B3GALNT1: variants seen among roughly 807,000 people sequenced by gnomAD.
B3GALNT1 encodes the protein beta-1,3-N-acetylgalactosaminyltransferase 1 (Globoside blood group).
Under a neutral mutation model 27.3 loss-of-function variants are expected in B3GALNT1, and 17 were observed. That is an observed-to-expected ratio of 0.62 (90% CI 0.43 to 0.94). B3GALNT1 has a LOEUF of 0.94. Ranked by LOEUF, B3GALNT1 falls within the 40% of genes least tolerant of loss-of-function variation. The pLI, the probability that B3GALNT1 is intolerant of heterozygous loss-of-function variation, is 0.00. For missense variants in B3GALNT1, 347 were observed against 390.0 expected (o/e 0.89, Z 0.93); for synonymous variants, 141 against 144.0 (o/e 0.98, Z 0.15).
chr3:161,093,955 G>C (rs1298097675), intron 4 of B3GALNT1, among the ~76,000 whole-genome samples: 1 of 152,154 alleles, frequency 6.6e-6, no homozygotes, highest in Non-Finnish European at 1.5e-5. Context: ...TGCAATGCTG[G>C]GTGAACAGCA....
In B3GALNT1 at chr3:161,086,306, T is replaced by C. The variant is rs1721756486; in HGVS notation, c.449A>G (p.Asp150Gly). The C allele has an allele frequency of 1.9e-6, 3 of 1,614,180 alleles. No homozygotes were observed. Among genetic ancestry groups the C allele is most frequent in the Non-Finnish European group, 1.7e-6 (2 of 1,180,036 alleles). ...TTTCAAGGTCAGGTTATTATATGTG[T>C]CTAAAAAATCTTGTCGGATTATGTC... ...YGDIIRQDFLDTYNNLTLKTI... is the reference protein window; with the variant it reads ...YGDIIRQDFLGTYNNLTLKTI... The change falls in exon 5 of 5, where the codon GAC becomes GGC. Residue 150 changes from aspartate (D) to glycine (G), a missense_variant. By Grantham distance (94) the Asp-to-Gly change is moderately conservative. Coordinates refer to ENST00000320474, the MANE Select transcript of B3GALNT1 (RefSeq NM_003781.4).
chr3:161,093,358 AT>A (rs1440880507), intron 4 of B3GALNT1, among the ~76,000 whole-genome samples: 1 of 152,210 alleles, frequency 6.6e-6, no homozygotes, highest in Non-Finnish European at 1.5e-5. Context: ...ATGTAGATAA[AT>A]AAGGGCTCAA....
Position 161,103,458 on chromosome 3 carries a change from G to A in B3GALNT1, c.-161C>T. 6.2e-6 allele frequency: 8 copies of A among 1,281,340 alleles called. No individual in the cohort carries two copies. Among genetic ancestry groups the A allele is most frequent in the Non-Finnish European group, 8.1e-6 (8 of 981,874 alleles). The allele number at this position is 1,281,340 out of a possible 1,614,324, so 79.4% of individuals were successfully genotyped here. On this transcript the variant is annotated 5_prime_UTR_variant, in exon 3 of 5. Transcript: ENST00000320474. Reference sequence around the variant, plus strand: ...AATTCCAGATGAAATTAAAGCTTAAGTTTTTTGTTGTTTTCTGTATTCCAT... The same window carrying A: ...AATTCCAGATGAAATTAAAGCTTAAATTTTTTGTTGTTTTCTGTATTCCAT...
At chr3:161,096,330 A>G (rs1728155547) in intron 4 of B3GALNT1, among the ~76,000 whole-genome samples, 1 of 152,236 alleles carries the variant, frequency 6.6e-6, no homozygotes, top group Admixed American at 6.5e-5. Context: ...CCAAAAAAAC[A>G]AGAAACAAAT....
At chr3:161,103,793 T>A (rs1349996706) in intron 2 of B3GALNT1, among the ~76,000 whole-genome samples, 3 of 152,208 alleles carry the variant, frequency 2.0e-5, no homozygotes, top group Admixed American at 2.0e-4. Context: ...AATGGCACAA[T>A]CTCGGCTCAC....
chr3:161,104,472 TA>T, intron 1 of B3GALNT1, 66 bp from the exon 2 acceptor site: 1 of 686,386 alleles, frequency 1.5e-6, no homozygotes, highest in South Asian at 1.7e-5. Flanking sequence ...AATCCAACAT[TA>T]AGAAGGCGAA....
intron 4 of B3GALNT1, among the ~76,000 whole-genome samples, chr3:161,091,831 G>A (rs942451379): frequency 4.6e-5 from 7 of 152,094 alleles, no homozygotes; most frequent in Admixed American, 4.6e-4. Flanking sequence ...TACTATAGAT[G>A]GAATGACAGA....
At chr3:161,103,846 GC>G (rs1560020655) in intron 2 of B3GALNT1, 1 of 179,206 alleles carries the variant, frequency 5.6e-6, no homozygotes, top group Non-Finnish European at 1.2e-5. Flanking sequence ...TCCTGCCTCA[GC>G]CCCCCGAGGA....
intron 4 of B3GALNT1, among the ~76,000 whole-genome samples, chr3:161,098,149 G>A (rs1041299099): frequency 9.9e-5 from 15 of 152,026 alleles, no homozygotes; most frequent in Admixed American, 5.9e-4. Flanking sequence ...GATGACTGCC[G>A]CAATCTTATG....
chr3:161,096,940 T>C (rs189372042), intron 4 of B3GALNT1, among the ~76,000 whole-genome samples: 63 of 152,310 alleles, frequency 4.1e-4, no homozygotes, highest in Non-Finnish European at 7.2e-4. Context: ...TTAGTATACG[T>C]GCTGCCAAAG....
Position 161,086,584 on chromosome 3 carries a change from C to T in B3GALNT1, c.171G>A (p.Pro57=), listed in dbSNP as rs201325607. ...TGAAGTGAAAGTCTTGTCTGTAAAT[C>T]GGCTCATACTCATAGAAGTACATCC... ...VNWMYFYEYE[P]IYRQDFHFTL... Residue 57 remains proline, a synonymous_variant, in exon 5 of 5, where the codon CCG becomes CCA. Coordinates refer to ENST00000320474, the MANE Select transcript of B3GALNT1 (RefSeq NM_003781.4). 63 of 1,614,116 alleles carry T rather than the reference C, an allele frequency of 3.9e-5. 1 individual carries two copies. The highest frequency in any genetic ancestry group is 2.4e-4 in the South Asian group (22 of 91,066).
In B3GALNT1 at chr3:161,086,434, C is replaced by G; in HGVS notation, c.321G>C (p.Trp107Cys). ...IRVTWGEKKS[W>C]WGYEVLTFFL... ...AAAATGTAAGAACCTCATATCCCCA[C>G]CAAGACTTTTTTTCACCCCAAGTAA... The change falls in exon 5 of 5, where the codon TGG (tryptophan) becomes TGC (cysteine). Residue 107 changes from tryptophan to cysteine, a missense_variant. Physicochemically the swap from Trp to Cys is radical, Grantham distance 215 (BLOSUM62 -2). Coordinates refer to ENST00000320474, the MANE Select transcript of B3GALNT1 (RefSeq NM_003781.4). 1 of 1,613,936 alleles carries G rather than the reference C, an allele frequency of 6.2e-7. No homozygotes were observed. Among genetic ancestry groups the G allele is most frequent in the Non-Finnish European group, 8.5e-7 (1 of 1,180,030 alleles).
In B3GALNT1 at chr3:161,094,751, GCA is replaced by G. The variant is rs1727153034; in HGVS notation, c.-35+6386_-35+6387del. On this transcript the variant is annotated intron_variant, in intron 4 of 4. Coordinates refer to ENST00000320474, the MANE Select transcript of B3GALNT1 (RefSeq NM_003781.4). ...GCTGGACAGCAGTGGCCATTCACAGGCACAATTATTTTGCACTGCAGACTCAA... is the reference window on the plus strand; with the variant it reads ...GCTGGACAGCAGTGGCCATTCACAGGCAATTATTTTGCACTGCAGACTCAA... 4.6e-5 allele frequency among the ~76,000 whole-genome samples: 7 copies of G among 151,946 alleles called. No homozygotes were observed. In the South Asian group the frequency reaches 1.5e-3, roughly 31 times the overall value.
At chr3:161,102,561 C>T (rs1265522652) in intron 3 of B3GALNT1, among the ~76,000 whole-genome samples, 3 of 152,190 alleles carry the variant, frequency 2.0e-5, no homozygotes, top group Non-Finnish European at 2.9e-5. Flanking sequence ...TTATAATATA[C>T]AATTTTTTAT....
intron 4 of B3GALNT1, among the ~76,000 whole-genome samples, chr3:161,093,933 C>G (rs868723693): frequency 6.6e-6 from 1 of 152,288 alleles, no homozygotes; most frequent in East Asian, 1.9e-4. Context: ...CTTATCTATC[C>G]CACCAACTTA....
At chr3:161,094,402 C>T (rs555646464) in intron 4 of B3GALNT1, among the ~76,000 whole-genome samples, 4 of 152,078 alleles carry the variant, frequency 2.6e-5, no homozygotes, top group South Asian at 4.2e-4. Context: ...ACATACTGGA[C>T]GTCACTAGAA....
intron 4 of B3GALNT1, among the ~76,000 whole-genome samples, chr3:161,096,179 AC>A (rs1190032813): frequency 6.6e-6 from 1 of 152,196 alleles, no homozygotes; most frequent in African/African-American, 2.4e-5. Flanking sequence ...ACTTTTATCC[AC>A]TTAGTAAATA....
intron 4 of B3GALNT1, among the ~76,000 whole-genome samples, chr3:161,096,356 G>GGT (rs1408391185): frequency 2.0e-5 from 3 of 152,156 alleles, no homozygotes. Context: ...TTAAATTTTA[G>GGT]GTCCAAGCAC....
rs1202258465 is a variant in B3GALNT1 at position 161,084,065 on chromosome 3, T to C, written c.*1694A>G. 6.6e-6 allele frequency: 1 copy of C among 152,152 alleles called. No homozygotes were observed. The highest frequency in any genetic ancestry group is 1.5e-5 in the Non-Finnish European group (1 of 68,006). 9.4% of individuals were successfully genotyped at this position (152,152 alleles called of 1,614,324 possible). A position where few individuals can be genotyped will look rare whatever the true frequency, so the allele number is the denominator to read the frequency against. On this transcript the variant is annotated 3_prime_UTR_variant, in exon 5 of 5. Transcript: ENST00000320474. ...TGACATTAAAACGGCTAAAACATCA[T>C]GAGGCAATAGATTTTCTGCTCCATT... is the stretch of plus-strand genomic sequence containing the variant.
Sources: gnomAD v4.1 joint callset for allele counts (sites outside exome capture counted in the v4.1 genomes callset) on GRCh38, gnomAD v4.1.1 for gene constraint, MANE v1.5 for transcripts, NCBI Gene and HGNC (gene_info 2026-07-23, HGNC 2026-07-21) for gene names.